GPR107: variants seen among roughly 807,000 people sequenced by gnomAD.
GPR107 encodes protein GPR107.
In GPR107, 31 loss-of-function variants were observed where a neutral mutation model predicts 75.5. That is an observed-to-expected ratio of 0.41 (90% CI 0.31 to 0.55). The LOEUF (loss-of-function observed/expected upper bound fraction) is 0.55. GPR107 is among the 20% of genes least tolerant of loss of function. The probability of loss-of-function intolerance (pLI) is 0.26; values close to 1 mark genes in which losing one functional copy is unlikely to be tolerated. For missense variants in GPR107, 572 were observed against 665.7 expected (o/e 0.86, Z 1.55); for synonymous variants, 267 against 251.3 (o/e 1.06, Z -0.59).
In GPR107 at chr9:130,105,999, C is replaced by T. The variant is rs114469579; in HGVS notation, c.1262+1449C>T. On this transcript the variant is annotated intron_variant, in intron 13 of 17. Transcript: ENST00000347136. Reference sequence around the variant, plus strand: ...CTTCCTCCTCACTGCAGCCTCCTGCCGTCCTGCACAGGAATTAGTCACTCG... The same window carrying T: ...CTTCCTCCTCACTGCAGCCTCCTGCTGTCCTGCACAGGAATTAGTCACTCG... Among the ~76,000 whole-genome samples the T allele has an allele frequency of 4.3e-3, 650 of 152,232 alleles. 9 individuals are homozygous for T. The highest frequency in any genetic ancestry group is 0.015 in the African/African-American group (624 of 41,546).
At chr9:130,123,860 C>T (rs1209517140) in intron 14 of GPR107, among the ~76,000 whole-genome samples, 2 of 152,110 alleles carry the variant, frequency 1.3e-5, no homozygotes, top group Admixed American at 6.5e-5. Flanking sequence ...AAAGCTGCTG[C>T]GATTTTGCAG....
chr9:130,130,109 C>T (rs1201136807), intron 17 of GPR107: 2 of 152,286 alleles, frequency 1.3e-5, no homozygotes, highest in African/African-American at 2.4e-5. Context: ...CAGCTTCTCT[C>T]TCTGGGCCTG....
intron 1 of GPR107, among the ~76,000 whole-genome samples, chr9:130,056,450 A>AAAATAAATAAAT (rs143876476): frequency 1.4e-4 from 21 of 150,898 alleles, no homozygotes; most frequent in Non-Finnish European, 1.8e-4. Context: ...ACTCCGTCTC[A>AAAATAAATAAAT]AAATAAATAA....
intron 1 of GPR107, among the ~76,000 whole-genome samples, chr9:130,065,207 T>G (rs1392853070): frequency 1.3e-5 from 2 of 152,048 alleles, no homozygotes; most frequent in Admixed American, 6.6e-5. Context: ...TCCCAGCACT[T>G]TGGGAGGCCG....
chr9:130,065,408 G>T (rs967463110), intron 1 of GPR107, among the ~76,000 whole-genome samples: 1 of 151,724 alleles, frequency 6.6e-6, no homozygotes, highest in African/African-American at 2.4e-5. Flanking sequence ...TTGCACTCCA[G>T]CCTGGACAAC....
At chr9:130,079,843 T>C in intron 5 of GPR107, 74 bp downstream of exon 5, 1 of 946,332 alleles carries the variant, frequency 1.1e-6, no homozygotes, top group Non-Finnish European at 1.6e-6. Flanking sequence ...TAATTAAAAG[T>C]AAAAGTAAAA....
chr9:130,095,704 A>G (rs1475485757), intron 9 of GPR107, among the ~76,000 whole-genome samples: 1 of 138,076 alleles, frequency 7.2e-6, no homozygotes, highest in Non-Finnish European at 1.6e-5. Context: ...GTGATAACAC[A>G]GTTTTCAATC....
At position 130,069,984 on chromosome 9, in the gene GPR107, C is replaced by CTTTTT. The variant is rs1045979986; in HGVS notation, c.142-5629_142-5625dup. On this transcript the variant is annotated intron_variant, in intron 1 of 17. Coordinates refer to ENST00000347136, the MANE Select transcript of GPR107 (RefSeq NM_020960.5). Reference sequence around the variant, plus strand: ...AGGCATAAGCCACCGTGCCTGGCCTCTTTTTTTTTTTTTTTTTTTTTTTTT... The same window carrying CTTTTT: ...AGGCATAAGCCACCGTGCCTGGCCTCTTTTTTTTTTTTTTTTTTTTTTTTTTTTTT... Among the ~76,000 whole-genome samples, 242 of 45,306 alleles carry CTTTTT rather than the reference C, an allele frequency of 5.3e-3. 8 individuals carry two copies. Among genetic ancestry groups the CTTTTT allele is most frequent in the African/African-American group, 0.02 (230 of 11,516 alleles). 29.7% of individuals were successfully genotyped at this position (45,306 alleles called of 152,430 possible).
At chr9:130,124,990 A>G (rs1465306877) in intron 15 of GPR107, 26 bp downstream of exon 15, 6 of 1,163,890 alleles carry the variant, frequency 5.2e-6, no homozygotes, top group Admixed American at 2.4e-5. Context: ...AAAAATCCTC[A>G]ATCTATAAAT....
chr9:130,058,416 AC>A, intron 1 of GPR107, among the ~76,000 whole-genome samples: 1 of 149,680 alleles, frequency 6.7e-6, no homozygotes, highest in Non-Finnish European at 1.5e-5. Flanking sequence ...CTATAAACCT[AC>A]CCTTTCTGGA....
intron 17 of GPR107, chr9:130,133,340 T>C (rs1831875961): frequency 6.6e-6 from 1 of 152,298 alleles, no homozygotes; most frequent in Non-Finnish European, 1.5e-5. Context: ...GAATGCGCTT[T>C]GCCTCTTAGA....
chr9:130,116,856 TC>T (rs1831437937), intron 14 of GPR107, among the ~76,000 whole-genome samples: 1 of 152,224 alleles, frequency 6.6e-6, no homozygotes, highest in East Asian at 1.9e-4. Context: ...AGATATAATT[TC>T]GTTTACAATA....
chr9:130,055,392 C>T (rs571167129), intron 1 of GPR107, among the ~76,000 whole-genome samples: 1 of 151,824 alleles, frequency 6.6e-6, no homozygotes, highest in East Asian at 1.9e-4. Flanking sequence ...TGGCGTGAAC[C>T]TGGGAGGCGC....
At chr9:130,081,194 GACC>G (rs1413205130) in intron 5 of GPR107, among the ~76,000 whole-genome samples, 1 of 152,058 alleles carries the variant, frequency 6.6e-6, no homozygotes, top group East Asian at 1.9e-4. Context: ...GACAGAACAA[GACC>G]CTGTCTCCGA....
At chr9:130,094,214 G>T (rs1391924441) in intron 9 of GPR107, among the ~76,000 whole-genome samples, 1 of 152,212 alleles carries the variant, frequency 6.6e-6, no homozygotes, top group Non-Finnish European at 1.5e-5. Context: ...GGAGGCCGAG[G>T]TGGGCGGATC....
At chr9:130,066,381 C>G (rs555491514) in intron 1 of GPR107, among the ~76,000 whole-genome samples, 1 of 101,728 alleles carries the variant, frequency 9.8e-6, no homozygotes, top group African/African-American at 3.4e-5. Flanking sequence ...ATTATGATTG[C>G]GCATTGATGA....
At chr9:130,062,698 C>T (rs1564657769) in intron 1 of GPR107, among the ~76,000 whole-genome samples, 1 of 144,216 alleles carries the variant, frequency 6.9e-6, no homozygotes, top group African/African-American at 2.6e-5. Context: ...TCCTTCCTTC[C>T]TTCCGTTTGT....
At chr9:130,056,413 G>C (rs911889674) in intron 1 of GPR107, among the ~76,000 whole-genome samples, 5 of 151,956 alleles carry the variant, frequency 3.3e-5, no homozygotes, top group Non-Finnish European at 7.4e-5. Flanking sequence ...TTGAGCCCCT[G>C]TACTCCAGCC....
In GPR107 at chr9:130,076,531, A is replaced by G. The variant is rs1186347988; in HGVS notation, c.306+69A>G. On this transcript the variant is annotated intron_variant, in intron 3 of 17. Transcript: ENST00000347136. Reference sequence around the variant, plus strand: ...CCAGGCCATTGAACGGGAACACCCTACTTCTTGCAGTTCCATTTTCATTTT... The same window carrying G: ...CCAGGCCATTGAACGGGAACACCCTGCTTCTTGCAGTTCCATTTTCATTTT... 2.5e-5 allele frequency: 24 copies of G among 949,024 alleles called. No individual in the cohort carries two copies. The Admixed American group carries it at 3.9e-4, about 16-fold the overall frequency. The allele number at this position is 949,024 out of a possible 1,614,324, so 58.8% of individuals were successfully genotyped here.
Sources: gnomAD v4.1 joint callset for allele counts (sites outside exome capture counted in the v4.1 genomes callset) on GRCh38, gnomAD v4.1.1 for gene constraint, MANE v1.5 for transcripts, NCBI Gene and HGNC (gene_info 2026-07-23, HGNC 2026-07-21) for gene names.